The following SLCO3A1 variants were observed in gnomAD, a reference collection of about 807,000 sequenced individuals.
SLCO3A1 encodes the protein solute carrier organic anion transporter family member 3A1, also known as PGE1 transporter.
In SLCO3A1, 27 loss-of-function variants were observed where a neutral mutation model predicts 63.1. The ratio of observed to expected loss-of-function variants is 0.43; its 90% confidence interval spans 0.32 to 0.59. The LOEUF is 0.59. SLCO3A1 is among the 20% of genes least tolerant of loss of function. The probability of loss-of-function intolerance (pLI) is 0.09; values close to 1 mark genes in which losing one functional copy is unlikely to be tolerated. For synonymous variants in SLCO3A1, 473 were observed against 409.9 expected, an observed-to-expected ratio of 1.15 and a Z score of -1.86; for missense variants, 773 against 945.8, an observed-to-expected ratio of 0.82 and a Z score of 2.40.
chr15:92,116,501 C>T (rs1169372661), intron 4 of SLCO3A1, among the ~76,000 whole-genome samples: 1 of 152,214 alleles, frequency 6.6e-6, no homozygotes, highest in African/African-American at 2.4e-5. Flanking sequence ...CTCCAGCTCC[C>T]AAGTTCTGAG....
chr15:91,937,000 T>A (rs926172963), intron 2 of SLCO3A1, among the ~76,000 whole-genome samples: 2 of 152,150 alleles, frequency 1.3e-5, no homozygotes, highest in East Asian at 1.9e-4. Context: ...GCCCCCTGAA[T>A]CTGCAAAGAG....
intron 1 of SLCO3A1, among the ~76,000 whole-genome samples, chr15:91,871,814 AT>A (rs1224436263): frequency 6.3e-4 from 27 of 42,762 alleles, no homozygotes; most frequent in Non-Finnish European, 1.0e-3. Context: ...TTCAGGTTTA[AT>A]TTTTTTTTAA....
chr15:92,154,769 AGCAGGAGTGTG>A (rs982176411), intron 9 of SLCO3A1, among the ~76,000 whole-genome samples: 1 of 152,120 alleles, frequency 6.6e-6, no homozygotes, highest in African/African-American at 2.4e-5. Context: ...CTGGAGTAGA[AGCAGGAGTGTG>A]GCAGGAGAGT....
intron 2 of SLCO3A1, among the ~76,000 whole-genome samples, chr15:92,078,888 C>T (rs2047310147): frequency 6.6e-6 from 1 of 152,214 alleles, no homozygotes; most frequent in South Asian, 2.1e-4. Flanking sequence ...CCTCAAAACC[C>T]AGCTCTGGCC....
At chr15:92,071,861 G>A (rs1280712134) in intron 2 of SLCO3A1, among the ~76,000 whole-genome samples, 1 of 152,228 alleles carries the variant, frequency 6.6e-6, no homozygotes, top group African/African-American at 2.4e-5. Flanking sequence ...CACTGGATGT[G>A]TCTTAGTCGT....
chr15:91,974,999 C>G (rs548400254), intron 2 of SLCO3A1, among the ~76,000 whole-genome samples: 1 of 152,252 alleles, frequency 6.6e-6, no homozygotes, highest in African/African-American at 2.4e-5. Flanking sequence ...CTTAATTTCT[C>G]TGTACTGCAG....
In SLCO3A1 at chr15:91,862,333, T is replaced by C. The variant is rs532327779; in HGVS notation, c.180+8245T>C. On this transcript the variant is annotated intron_variant, in intron 1 of 9. Coordinates refer to ENST00000318445, the MANE Select transcript of SLCO3A1 (RefSeq NM_013272.4). This position sits in a 1 kb window ranked among gnomAD's most constrained non-coding sequence, Gnocchi z 4.0. ...CACTCGGCTAATTTTTTGTATTTTT[T>C]TTAGTGGAGACGGGGTTTCACCATG... Among the ~76,000 whole-genome samples, 2 of 152,062 alleles carry C rather than the reference T, an allele frequency of 1.3e-5. No homozygotes were observed. The highest frequency in any genetic ancestry group is 4.2e-4 in the South Asian group (2 of 4,808).
chr15:91,988,065 T>C (rs2151441374), intron 2 of SLCO3A1, among the ~76,000 whole-genome samples: 1 of 152,318 alleles, frequency 6.6e-6, no homozygotes, highest in African/African-American at 2.4e-5. Flanking sequence ...CACTTACAGA[T>C]GCAGGCTTTT....
At chr15:92,001,350 C>T (rs552303264) in intron 2 of SLCO3A1, among the ~76,000 whole-genome samples, 2 of 152,180 alleles carry the variant, frequency 1.3e-5, no homozygotes, top group African/African-American at 4.8e-5. Flanking sequence ...TTATGGGATG[C>T]TGCTTCCTTG....
rs1476767273 is a variant in SLCO3A1 at position 91,900,220 on chromosome 15, C to T, written c.181-15773C>T. Among the ~76,000 whole-genome samples, 1 of 152,226 alleles carries T rather than the reference C, an allele frequency of 6.6e-6. No individual in the cohort carries two copies. The highest frequency in any genetic ancestry group is 2.4e-5 in the African/African-American group (1 of 41,452). On this transcript the variant is annotated intron_variant, in intron 1 of 9. Coordinates refer to ENST00000318445, the MANE Select transcript of SLCO3A1 (RefSeq NM_013272.4). The surrounding 1 kb of genome is among the most constrained non-coding windows in gnomAD (Gnocchi z 4.3). ...CTTAACTTTTTAAGAAGCTGTTCAA[C>T]TGCTTTTCAAAGTGGCTATAACCAT...
At chr15:91,997,290 C>A (rs2176454) in intron 2 of SLCO3A1, among the ~76,000 whole-genome samples, 40,558 of 152,014 alleles carry the variant, frequency 0.27, 6,123 homozygotes, top group African/African-American at 0.39. Context: ...CCAGGAATGC[C>A]TCTAACCGTG....
intron 4 of SLCO3A1, among the ~76,000 whole-genome samples, chr15:92,110,421 T>C (rs1325986028): frequency 6.6e-6 from 1 of 152,140 alleles, no homozygotes; most frequent in Non-Finnish European, 1.5e-5. Context: ...ACAAAGTCCT[T>C]CCATGGTCTC....
chr15:92,070,381 G>A lies in SLCO3A1; in HGVS notation c.647-24500G>A, dbSNP rs528256647. On this transcript the variant is annotated intron_variant, in intron 2 of 9. Transcript: ENST00000318445. ...CGGAGGGTCGGGTGCGGTGGCTTACGCCTGTAATCGCAGCACTTTGGGAGG... is the reference window on the plus strand; with the variant it reads ...CGGAGGGTCGGGTGCGGTGGCTTACACCTGTAATCGCAGCACTTTGGGAGG... 2.1e-3 allele frequency among the ~76,000 whole-genome samples: 314 copies of A among 152,314 alleles called. 1 individual carries two copies. The highest frequency in any genetic ancestry group is 7.3e-3 in the African/African-American group (303 of 41,562).
Position 92,094,995 on chromosome 15 carries a change from C to T in SLCO3A1, c.745+16C>T. 6.6e-7 allele frequency: 1 copy of T among 1,507,432 alleles called. No homozygotes were observed. Among genetic ancestry groups the T allele is most frequent in the African/African-American group, 1.4e-5 (1 of 73,314 alleles). 93.4% of individuals were successfully genotyped at this position (1,507,432 alleles called of 1,614,324 possible). On this transcript the variant is annotated intron_variant, in intron 3 of 9. Coordinates refer to ENST00000318445, the MANE Select transcript of SLCO3A1 (RefSeq NM_013272.4). ...ATTGACACAAGTAAGGAATATATCT[C>T]CATGTCTACCTTCCATCCGCAAGCG...
chr15:91,896,747 C>T (rs1459109830), intron 1 of SLCO3A1, among the ~76,000 whole-genome samples: 1 of 152,178 alleles, frequency 6.6e-6, no homozygotes, highest in African/African-American at 2.4e-5. Context: ...TCAGGTATGT[C>T]TTTATTAGCA....
intron 2 of SLCO3A1, among the ~76,000 whole-genome samples, chr15:92,058,366 C>T (rs2047046535): frequency 1.3e-5 from 2 of 152,020 alleles, no homozygotes; most frequent in African/African-American, 4.8e-5. Context: ...TTGAGTTTTT[C>T]CCCTTTTATT....
rs148245677 is a variant in SLCO3A1, at chr15:92,126,181, C to T, written c.1295C>T (p.Thr432Ile). 33 of 1,614,074 alleles carry T rather than the reference C, an allele frequency of 2.0e-5. No individual in the cohort carries two copies. The East Asian group carries it at 7.4e-4, about 36-fold the overall frequency. The part of the protein sequence containing the change: ...RMAMLVNLVS[T>I]ACYVSFLFLG... ...GCCATGCTCGTCAACCTGGTGTCCA[C>T]TGCTTGCTACGTCTCCTTCCTCTTC... The change falls in exon 6 of 10, where the codon ACT becomes ATT. Residue 432 changes from threonine (T) to isoleucine (I), a missense_variant. This residue lies in a region of SLCO3A1 where 565 missense variants were observed against 749.8 expected (regional missense o/e 0.75). Coordinates refer to ENST00000318445, the MANE Select transcript of SLCO3A1 (RefSeq NM_013272.4).
intron 1 of SLCO3A1, among the ~76,000 whole-genome samples, chr15:91,896,313 A>G (rs542972339): frequency 6.6e-6 from 1 of 152,320 alleles, no homozygotes; most frequent in African/African-American, 2.4e-5. Context: ...CACAAAGCTG[A>G]AAAAACTTTT....
chr15:92,113,917 C>A (rs1008080870), intron 4 of SLCO3A1, among the ~76,000 whole-genome samples: 20 of 152,184 alleles, frequency 1.3e-4, no homozygotes, highest in African/African-American at 4.6e-4. Context: ...CTTGAACCGC[C>A]CTGTTTGTGG....
Sources: gnomAD v4.1 joint callset for allele counts (sites outside exome capture counted in the v4.1 genomes callset) on GRCh38, gnomAD v4.1.1 for gene constraint, gnomAD v4.1.1 regional missense constraint, Gnocchi (gnomAD v3.1) non-coding constraint, MANE v1.5 for transcripts, NCBI Gene and HGNC (gene_info 2026-07-23, HGNC 2026-07-21) for gene names.